SMG6: variants seen among roughly 807,000 people sequenced by gnomAD.
SMG6 encodes telomerase-binding protein EST1A.
A neutral mutation model predicts 142.2 loss-of-function variants in SMG6; 66 were observed. That is an observed-to-expected ratio of 0.46 (90% CI 0.38 to 0.57). The LOEUF is 0.57. Among genes scored for constraint, SMG6 ranks in the 20% least tolerant of loss-of-function variants. The probability of loss-of-function intolerance (pLI) is 0.00; values close to 1 mark genes in which losing one functional copy is unlikely to be tolerated. For synonymous variants in SMG6, 779 were observed against 702.4 expected (o/e 1.11, Z -1.72); for missense variants, 1,793 against 1,832.0 (o/e 0.98, Z 0.39).
rs1201163887 is a variant in SMG6, at chr17:2,068,014, C to T, written c.3835+764G>A. Among the ~76,000 whole-genome samples, 1 of 152,186 alleles carries T rather than the reference C, an allele frequency of 6.6e-6. No individual in the cohort carries two copies. The highest frequency in any genetic ancestry group is 1.5e-5 in the Non-Finnish European group (1 of 68,032). Reference sequence around the variant, plus strand: ...TCCCAATCATCTCCTAGACTCTCTCCCTCCACAGAGGCCATCAGCTAGATA... The same window carrying T: ...TCCCAATCATCTCCTAGACTCTCTCTCTCCACAGAGGCCATCAGCTAGATA... On this transcript the variant is annotated intron_variant, in intron 16 of 18. Coordinates refer to ENST00000263073, the MANE Select transcript of SMG6 (RefSeq NM_017575.5). The surrounding 1 kb of genome is among the most constrained non-coding windows in gnomAD (Gnocchi z 6.7).
At chr17:2,108,391 C>T (rs541344146) in intron 13 of SMG6, among the ~76,000 whole-genome samples, 3 of 152,294 alleles carry the variant, frequency 2.0e-5, no homozygotes, top group Non-Finnish European at 2.9e-5. Flanking sequence ...CCGAGGCGGG[C>T]GGGTAACTTG....
rs201904930 is a variant in SMG6 at position 2,085,704 on chromosome 17, C to A, written c.3534+21G>T. 2.5e-6 allele frequency: 4 copies of A among 1,596,348 alleles called. No homozygotes were observed. In the East Asian group the frequency reaches 6.7e-5, roughly 27 times the overall value. On this transcript the variant is annotated intron_variant, in intron 14 of 18. Transcript: ENST00000263073. The surrounding 1 kb of genome is among the most constrained non-coding windows in gnomAD (Gnocchi z 4.1). ...GGAGGGGGCCTTCCCTCTGCCACAGCGGGCTCTTCCCGCATAGTACCTCAT... is the reference window on the plus strand; with the variant it reads ...GGAGGGGGCCTTCCCTCTGCCACAGAGGGCTCTTCCCGCATAGTACCTCAT...
chr17:2,213,934 T>C (rs902181386), intron 10 of SMG6: 3 of 152,218 alleles, frequency 2.0e-5, no homozygotes, highest in Non-Finnish European at 4.4e-5. Context: ...TCTTCACTAA[T>C]AAAATAAATT....
chr17:2,212,306 A>G (rs2072888356), intron 10 of SMG6, among the ~76,000 whole-genome samples: 2 of 152,230 alleles, frequency 1.3e-5, no homozygotes, highest in African/African-American at 2.4e-5. Context: ...AGTGAAATAC[A>G]TAAGCAAGAG....
intron 13 of SMG6, among the ~76,000 whole-genome samples, chr17:2,161,301 A>C (rs1455834660): frequency 6.6e-6 from 1 of 151,910 alleles, no homozygotes; most frequent in Non-Finnish European, 1.5e-5. Flanking sequence ...ATGGGGTTTC[A>C]TCATGTTGGC....
chr17:2,298,844 A>C, intron 2 of SMG6, 62 bp downstream of exon 2: 1 of 1,489,386 alleles, frequency 6.7e-7, no homozygotes, highest in Non-Finnish European at 9.0e-7. Flanking sequence ...CCTCAGCCAT[A>C]GCAATCTATA....
chr17:2,109,387 G>GT (rs1400045850), intron 13 of SMG6, among the ~76,000 whole-genome samples: 4 of 151,940 alleles, frequency 2.6e-5, no homozygotes, highest in African/African-American at 9.7e-5. Context: ...CCTCAGCCTC[G>GT]TAAGTAGCTG....
intron 13 of SMG6, among the ~76,000 whole-genome samples, chr17:2,160,226 A>T (rs2151622848): frequency 6.6e-6 from 1 of 152,216 alleles, no homozygotes; most frequent in Non-Finnish European, 1.5e-5. Flanking sequence ...ATTTATTTTT[A>T]ATTAATTTTT....
At chr17:2,266,284 G>T in intron 8 of SMG6, 1 of 565,856 alleles carries the variant, frequency 1.8e-6, no homozygotes, top group Non-Finnish European at 2.2e-6. Flanking sequence ...ACGCGAACAG[G>T]ATATGCTGGT....
intron 8 of SMG6, among the ~76,000 whole-genome samples, chr17:2,267,923 AT>A (rs2074459269): frequency 6.6e-6 from 1 of 151,584 alleles, no homozygotes; most frequent in Non-Finnish European, 1.5e-5. Flanking sequence ...AATTTTTTGT[AT>A]TTTTAGTAGA....
intron 8 of SMG6, among the ~76,000 whole-genome samples, chr17:2,257,376 C>T (rs1253888354): frequency 1.3e-5 from 2 of 152,022 alleles, no homozygotes; most frequent in East Asian, 3.9e-4. Flanking sequence ...CTGCGCCCGG[C>T]CAAAAGAATC....
At chr17:2,090,631 T>C (rs1433400128) in intron 13 of SMG6, among the ~76,000 whole-genome samples, 1 of 152,252 alleles carries the variant, frequency 6.6e-6, no homozygotes, top group Non-Finnish European at 1.5e-5. Flanking sequence ...TCTGAATTTT[T>C]GGTTTGGAGA....
chr17:2,264,992 T>G lies in SMG6; in HGVS notation c.2661+17655A>C, dbSNP rs574271052. 1.2e-4 allele frequency among the ~76,000 whole-genome samples: 19 copies of G among 152,250 alleles called. No homozygotes were observed. The East Asian group carries it at 3.5e-3, about 28-fold the overall frequency. On this transcript the variant is annotated intron_variant, in intron 8 of 18. Coordinates refer to ENST00000263073, the MANE Select transcript of SMG6 (RefSeq NM_017575.5). Reference sequence around the variant, plus strand: ...CTAGCTACTCAAATTCTCTCACTATTGTTAATCCCTAGGCCATCAAGATCC... The same window carrying G: ...CTAGCTACTCAAATTCTCTCACTATGGTTAATCCCTAGGCCATCAAGATCC...
At position 2,293,063 on chromosome 17, in the gene SMG6, T is replaced by C; in HGVS notation, c.2152-86A>G. On this transcript the variant is annotated intron_variant, in intron 4 of 18. Transcript: ENST00000263073. ...GACAGGGATGGGGTGAAAATGACAATGTAGCACTCGTAAGGCACTAGCGGT... is the reference window on the plus strand; with the variant it reads ...GACAGGGATGGGGTGAAAATGACAACGTAGCACTCGTAAGGCACTAGCGGT... 3 of 961,382 alleles carry C rather than the reference T, an allele frequency of 3.1e-6. 1 individual carries two copies. In the South Asian group the frequency reaches 3.9e-5, roughly 12 times the overall value. The allele number at this position is 961,382 out of a possible 1,614,324, so 59.6% of individuals were successfully genotyped here. A position where few individuals can be genotyped will look rare whatever the true frequency, so the allele number is the denominator to read the frequency against.
chr17:2,066,652 TACACACACACACACACACACACAC>T (rs1161956483), intron 16 of SMG6, among the ~76,000 whole-genome samples: 1 of 119,490 alleles, frequency 8.4e-6, no homozygotes, highest in Non-Finnish European at 1.7e-5. Context: ...CATGTGGGAA[TACACACACACACACACACACACAC>T]ACACACACAC....
At chr17:2,137,093 G>A (rs1451010369) in intron 13 of SMG6, among the ~76,000 whole-genome samples, 2 of 152,204 alleles carry the variant, frequency 1.3e-5, no homozygotes, top group African/African-American at 4.8e-5. Flanking sequence ...CTTGAACCCA[G>A]GAGGTGGAGG....
chr17:2,219,337 A>G (rs2073107902), intron 10 of SMG6, among the ~76,000 whole-genome samples: 1 of 152,212 alleles, frequency 6.6e-6, no homozygotes, highest in South Asian at 2.1e-4. Context: ...GTGAGCCGAG[A>G]TCGCGCCAAC....
intron 13 of SMG6, chr17:2,087,356 G>A (rs972792597): frequency 3.8e-5 from 46 of 1,201,632 alleles, no homozygotes; most frequent in Middle Eastern, 3.8e-4. Flanking sequence ...AGGAAAGTGC[G>A]GCACACACCG....
Position 2,092,209 on chromosome 17 carries a change from C to T in SMG6, c.3358-6308G>A, listed in dbSNP as rs767469475. ...CCATGTTGGCCAGGCTGGTCTCGAA[C>T]GCCTGACCTCAAGTGATCCACCGCG... On this transcript the variant is annotated intron_variant, in intron 13 of 18. Coordinates refer to ENST00000263073, the MANE Select transcript of SMG6 (RefSeq NM_017575.5). 8.5e-5 allele frequency among the ~76,000 whole-genome samples: 13 copies of T among 152,250 alleles called. No individual in the cohort carries two copies. In the South Asian group the frequency reaches 1.2e-3, roughly 15 times the overall value.
Sources: allele counts gnomAD v4.1 joint callset (sites outside exome capture counted in the v4.1 genomes callset), GRCh38; gene constraint gnomAD v4.1.1; non-coding constraint Gnocchi (gnomAD v3.1); transcripts MANE v1.5; gene names NCBI Gene and HGNC (gene_info 2026-07-23, HGNC 2026-07-21).